The following MET variants were observed in gnomAD, a reference collection of about 807,000 sequenced individuals.
The protein encoded by MET is hepatocyte growth factor receptor.
A neutral mutation model predicts 133.1 loss-of-function variants in MET; 48 were observed. The ratio of observed to expected loss-of-function variants is 0.36; its 90% CI spans 0.29 to 0.46. The LOEUF (loss-of-function observed/expected upper bound fraction) is 0.46, where lower values mean the gene tolerates loss of function less well. Ranked by LOEUF, MET falls within the 20% of genes least tolerant of loss-of-function variation. The pLI is 1.00. For missense variants in MET, 1,442 were observed against 1,695.9 expected, an observed-to-expected ratio of 0.85 and a Z score of 2.63; for synonymous variants, 628 against 616.5, an observed-to-expected ratio of 1.02 and a Z score of -0.28.
chr7:116,776,042 C>T (rs1434438828), intron 15 of MET, among the ~76,000 whole-genome samples: 2 of 150,956 alleles, frequency 1.3e-5, no homozygotes, highest in African/African-American at 2.4e-5. Flanking sequence ...AATCAAAAAC[C>T]GGGAAATGAA....
chr7:116,687,657 C>T (rs1390825507), intron 1 of MET, among the ~76,000 whole-genome samples: 2 of 152,106 alleles, frequency 1.3e-5, no homozygotes, highest in Non-Finnish European at 2.9e-5. Context: ...CAATTTTGAT[C>T]GTGAAAAAGA....
intron 5 of MET, 29 bp downstream of exon 5, chr7:116,741,054 G>A: frequency 1.5e-6 from 2 of 1,361,800 alleles, no homozygotes; most frequent in Non-Finnish European, 2.0e-6. Context: ...TGGCATACAT[G>A]TTTTTGTTTG....
intron 3 of MET, among the ~76,000 whole-genome samples, chr7:116,736,058 A>G (rs923184253): frequency 1.3e-5 from 2 of 152,162 alleles, no homozygotes; most frequent in Non-Finnish European, 2.9e-5. Context: ...GATTACAGGT[A>G]TGAGTCACCG....
chr7:116,741,196 C>A, intron 5 of MET, 171 bp downstream of exon 5: 1 of 769,208 alleles, frequency 1.3e-6, no homozygotes, highest in Non-Finnish European at 2.1e-6. Context: ...CACCATCTCT[C>A]TCTTGGCTTT....
At chr7:116,715,122 C>T (rs1180987132) in intron 2 of MET, among the ~76,000 whole-genome samples, 1 of 152,126 alleles carries the variant, frequency 6.6e-6, no homozygotes, top group Non-Finnish European at 1.5e-5. Context: ...TTTTTATTTG[C>T]TGCCATATCC....
chr7:116,778,651 G>A, intron 16 of MET, 125 bp from the exon 17 acceptor site: 2 of 1,043,246 alleles, frequency 1.9e-6, no homozygotes, highest in African/African-American at 1.6e-5. Context: ...ACACTCTGCA[G>A]TCAAACCCTC....
chr7:116,747,541 A>G (rs1793739975), intron 5 of MET, among the ~76,000 whole-genome samples: 1 of 152,240 alleles, frequency 6.6e-6, no homozygotes, highest in South Asian at 2.1e-4. Flanking sequence ...GGCATTACAT[A>G]ATGGTAAAGG....
At chr7:116,719,730 C>T (rs907801427) in intron 2 of MET, among the ~76,000 whole-genome samples, 25 of 152,182 alleles carry the variant, frequency 1.6e-4, no homozygotes, top group African/African-American at 6.0e-4. Context: ...TTCCCAGCAC[C>T]ATTTATTAAA....
At chr7:116,729,657 A>G (rs560860037) in intron 2 of MET, among the ~76,000 whole-genome samples, 14 of 152,180 alleles carry the variant, frequency 9.2e-5, no homozygotes, top group Non-Finnish European at 1.5e-4. Flanking sequence ...CAAGGTATAC[A>G]TCATTTTCCT....
At chr7:116,709,496 G>A (rs1187866189) in intron 2 of MET, among the ~76,000 whole-genome samples, 1 of 152,128 alleles carries the variant, frequency 6.6e-6, no homozygotes, top group African/African-American at 2.4e-5. Flanking sequence ...TTGAAATACA[G>A]GTGTAAAAAG....
chr7:116,738,582 G>A (rs552043744), intron 3 of MET, among the ~76,000 whole-genome samples: 1 of 152,234 alleles, frequency 6.6e-6, no homozygotes, highest in South Asian at 2.1e-4. Flanking sequence ...TGTTTTGAAA[G>A]CGTTGAGTGT....
rs371939364 is a variant in MET at position 116,763,066 on chromosome 7, C to G, written c.2381C>G (p.Ser794Cys). ...RNFTVACQHR[S>C]NSEIICCTTP... is the part of the protein sequence containing the mutation. The stretch of plus-strand genomic sequence containing the variant: ...TTTCTCTAGGCATGTCAACATCGCT[C>G]TAATTCAGAGATAATCTGTTGTACC... The change falls in exon 11 of 21, where the codon TCT (serine) becomes TGT (cysteine). Residue 794 changes from serine to cysteine, a missense_variant. Around this residue, in one of 6 missense-constraint regions of MET, gnomAD observed 514 missense variants for 659.6 expected, o/e 0.78. Coordinates refer to ENST00000397752, the MANE Select transcript of MET (RefSeq NM_000245.4). The G allele has an allele frequency of 3.7e-6, 6 of 1,613,890 alleles. No homozygotes were observed. The highest frequency in any genetic ancestry group is 2.5e-6 in the Non-Finnish European group (3 of 1,179,948).
At chr7:116,743,411 A>G (rs1307909222) in intron 5 of MET, among the ~76,000 whole-genome samples, 2 of 152,166 alleles carry the variant, frequency 1.3e-5, no homozygotes, top group African/African-American at 4.8e-5. Flanking sequence ...GGCTGAAGCC[A>G]GGGAGCCAAG....
In MET at chr7:116,798,130, C is replaced by T. The variant is rs545860655; in HGVS notation, c.*2006C>T. 1.7e-4 allele frequency: 37 copies of T among 219,582 alleles called. No homozygotes were observed. Among genetic ancestry groups the T allele is most frequent in the Non-Finnish European group, 2.9e-4 (32 of 109,194 alleles). The allele number at this position is 219,582 out of a possible 1,614,324, so 13.6% of individuals were successfully genotyped here. ...CATGAACGCATCAATAGAAAGAACT[C>T]GGGGAAACATCCCATCAACAGGACT... On this transcript the variant is annotated 3_prime_UTR_variant, in exon 21 of 21. Transcript: ENST00000397752.
At position 116,755,521 on chromosome 7, in the gene MET, G is replaced by C. The variant is rs2116911247; in HGVS notation, c.1862+6G>C. ...AGTGAGAGCACGATGAATACGTAAG[G>C]ATCTTAAAATGCTTTGCTGGGGTGT... On this transcript the variant is annotated splice_donor_region_variant and intron_variant, in intron 6 of 20. Coordinates refer to ENST00000397752, the MANE Select transcript of MET (RefSeq NM_000245.4). The C allele has an allele frequency of 1.2e-6, 2 of 1,614,048 alleles. No individual in the cohort carries two copies. Among genetic ancestry groups the C allele is most frequent in the Non-Finnish European group, 1.7e-6 (2 of 1,179,966 alleles).
rs1793022563 is a variant in MET at position 116,731,865 on chromosome 7, T to G, written c.1392+6T>G. The G allele has an allele frequency of 6.2e-7, 1 of 1,613,828 alleles. No individual in the cohort carries two copies. The highest frequency in any genetic ancestry group is 8.5e-7 in the Non-Finnish European group (1 of 1,179,738). On this transcript the variant is annotated splice_donor_region_variant and intron_variant, in intron 3 of 20. Coordinates refer to ENST00000397752, the MANE Select transcript of MET (RefSeq NM_000245.4). ...CAGAGGGTCGCTTCATGCAGGTAAG[T>G]GCTTTCTGAGAGTAGCTGTGTCTGT...
chr7:116,716,956 G>A (rs1206871139), intron 2 of MET, among the ~76,000 whole-genome samples: 1 of 151,560 alleles, frequency 6.6e-6, no homozygotes, highest in Middle Eastern at 3.2e-3. Context: ...CTTAAATTTT[G>A]CCCCCCCCAG....
At chr7:116,781,877 C>A in intron 17 of MET, 111 bp from the exon 18 acceptor site, 1 of 795,208 alleles carries the variant, frequency 1.3e-6, no homozygotes, top group Non-Finnish European at 2.1e-6. Flanking sequence ...TAAGACCAAA[C>A]TAATTTTTGA....
At chr7:116,773,026 T>C (rs1384345609) in intron 14 of MET, among the ~76,000 whole-genome samples, 1 of 152,192 alleles carries the variant, frequency 6.6e-6, no homozygotes, top group East Asian at 1.9e-4. Flanking sequence ...ATATGCACAT[T>C]TCATAGTTCT....
Sources: gnomAD v4.1 joint callset for allele counts (sites outside exome capture counted in the v4.1 genomes callset) on GRCh38, gnomAD v4.1.1 for gene constraint, gnomAD v4.1.1 regional missense constraint, MANE v1.5 for transcripts, NCBI Gene and HGNC (gene_info 2026-07-23, HGNC 2026-07-21) for gene names.